LMBR1: variants seen among roughly 807,000 people sequenced by gnomAD.
LMBR1 encodes limb region 1 protein homolog.
LMBR1 carries 52 observed loss-of-function variants against 73.9 expected under a neutral mutation model. The observed-to-expected ratio is 0.70, with a 90% confidence interval of 0.56 to 0.89. The LOEUF (loss-of-function observed/expected upper bound fraction) is 0.89, where lower values mean the gene tolerates loss of function less well. Ranked by LOEUF, LMBR1 falls within the 40% of genes least tolerant of loss-of-function variation. The probability of loss-of-function intolerance (pLI) is 0.00; values close to 1 mark genes in which losing one functional copy is unlikely to be tolerated. For missense variants in LMBR1, 539 were observed against 579.8 expected, an observed-to-expected ratio of 0.93 and a Z score of 0.72; for synonymous variants, 215 against 209.4, an observed-to-expected ratio of 1.03 and a Z score of -0.23.
At chr7:156,736,369 A>G (rs1817867599) in intron 9 of LMBR1, 2 of 214,428 alleles carry the variant, frequency 9.3e-6, no homozygotes, top group Non-Finnish European at 1.7e-5. Context: ...GCTTGCATTC[A>G]TTATTTAGTA....
intron 4 of LMBR1, among the ~76,000 whole-genome samples, chr7:156,814,423 C>T (rs1028363037): frequency 6.6e-6 from 1 of 152,198 alleles, no homozygotes; most frequent in African/African-American, 2.4e-5. Context: ...CAAAACATGT[C>T]TGCATTTGTT....
intron 4 of LMBR1, among the ~76,000 whole-genome samples, chr7:156,815,649 CTCACTCATTAGCCACGTGGCTCACT>C (rs1833799932): frequency 6.6e-6 from 1 of 152,090 alleles, no homozygotes; most frequent in Non-Finnish European, 1.5e-5. Context: ...CTGAGCTAGG[CTCACTCATTAGCCACGTGGCTCACT>C]TTACTTACTA....
intron 1 of LMBR1, among the ~76,000 whole-genome samples, chr7:156,891,190 C>CAAA (rs58107543): frequency 2.1e-3 from 44 of 20,510 alleles, no homozygotes; most frequent in African/African-American, 2.7e-3. Context: ...GACTCCATCA[C>CAAA]AAAAAAAAAA....
intron 8 of LMBR1, 41 bp from the exon 9 acceptor site, chr7:156,756,506 A>C (rs758542252): frequency 1.1e-6 from 1 of 944,286 alleles, no homozygotes; most frequent in African/African-American, 1.6e-5. Context: ...TCAACGTTAT[A>C]AAACGAATGC....
intron 7 of LMBR1, 135 bp downstream of exon 7, chr7:156,762,973 T>G: frequency 1.8e-6 from 1 of 561,544 alleles, no homozygotes; most frequent in South Asian, 2.0e-5. Context: ...CAAAATTTAT[T>G]TTGAATAAAA....
At chr7:156,766,133 C>T (rs1379740973) in intron 5 of LMBR1, among the ~76,000 whole-genome samples, 1 of 151,994 alleles carries the variant, frequency 6.6e-6, no homozygotes, top group African/African-American at 2.4e-5. Flanking sequence ...ATCTCCACGG[C>T]GCTCTCACAT....
chr7:156,799,465 G>T (rs902931223), intron 4 of LMBR1, among the ~76,000 whole-genome samples: 3 of 152,108 alleles, frequency 2.0e-5, no homozygotes, highest in African/African-American at 7.2e-5. Flanking sequence ...TATGTTAATT[G>T]TTTGGGGGCG....
chr7:156,825,742 A>C (rs1032808387), intron 4 of LMBR1, among the ~76,000 whole-genome samples: 1 of 152,184 alleles, frequency 6.6e-6, no homozygotes, highest in Non-Finnish European at 1.5e-5. Context: ...TTAAGTGCCT[A>C]CTAAAAGACA....
At chr7:156,674,165 C>T (rs1305844743), downstream of LMBR1, among the ~76,000 whole-genome samples, 1 of 152,220 alleles carries the variant, frequency 6.6e-6, no homozygotes, top group African/African-American at 2.4e-5. Flanking sequence ...GCCAGAGCTT[C>T]GGTCTCATAG....
intron 4 of LMBR1, among the ~76,000 whole-genome samples, chr7:156,798,025 T>TA (rs1830340258): frequency 6.6e-6 from 1 of 152,264 alleles, no homozygotes; most frequent in South Asian, 2.1e-4. Context: ...AGAGTATAAT[T>TA]AGAGTCAATT....
intron 9 of LMBR1, among the ~76,000 whole-genome samples, chr7:156,739,243 T>C (rs1253644197): frequency 3.9e-5 from 6 of 152,172 alleles, no homozygotes; most frequent in Non-Finnish European, 8.8e-5. Context: ...GGAAGGTCTT[T>C]GTCTTATGGT....
intron 1 of LMBR1, among the ~76,000 whole-genome samples, chr7:156,875,791 G>A (rs1275689933): frequency 6.6e-6 from 1 of 151,656 alleles, no homozygotes; most frequent in African/African-American, 2.4e-5. Flanking sequence ...TACCAAGCCA[G>A]AACTACCAGA....
rs780422757 is a variant in LMBR1, at chr7:156,714,206, T to C, written c.1225+9906A>G. Among the ~76,000 whole-genome samples the C allele has an allele frequency of 3.2e-4, 49 of 152,182 alleles. 1 individual carries two copies. Among genetic ancestry groups the C allele is most frequent in the Non-Finnish European group, 8.8e-5 (6 of 68,032 alleles). On this transcript the variant is annotated intron_variant, in intron 15 of 16. Coordinates refer to ENST00000353442, the MANE Select transcript of LMBR1 (RefSeq NM_022458.4). Reference sequence around the variant, plus strand: ...TTTCTTCAAGGAGCGTAGAGCTTTATGGAGGAAAAGAAAAGCCATTGGATA... The same window carrying C: ...TTTCTTCAAGGAGCGTAGAGCTTTACGGAGGAAAAGAAAAGCCATTGGATA...
At chr7:156,697,415 C>T (rs543997984) in intron 15 of LMBR1, among the ~76,000 whole-genome samples, 2 of 152,226 alleles carry the variant, frequency 1.3e-5, no homozygotes, top group South Asian at 4.2e-4. Context: ...ACAAATTTAC[C>T]AGGGCGGAGT....
intron 1 of LMBR1, among the ~76,000 whole-genome samples, chr7:156,875,486 G>A (rs868458400): frequency 3.3e-5 from 5 of 152,256 alleles, no homozygotes; most frequent in South Asian, 2.1e-4. Flanking sequence ...GAAATTAATC[G>A]TAAAAAGATC....
intron 1 of LMBR1, among the ~76,000 whole-genome samples, chr7:156,867,198 A>C (rs1349696665): frequency 1.3e-5 from 2 of 152,234 alleles, no homozygotes; most frequent in Non-Finnish European, 2.9e-5. Context: ...GTAAAATGCA[A>C]ATCAAAATGA....
At chr7:156,717,216 G>T (rs924402660) in intron 15 of LMBR1, among the ~76,000 whole-genome samples, 2 of 152,172 alleles carry the variant, frequency 1.3e-5, no homozygotes, top group African/African-American at 4.8e-5. Flanking sequence ...GGCACAGAAG[G>T]TGGAAGCATT....
intron 4 of LMBR1, among the ~76,000 whole-genome samples, chr7:156,806,142 A>C (rs1039234455): frequency 4.0e-5 from 6 of 151,578 alleles, no homozygotes; most frequent in African/African-American, 1.2e-4. Flanking sequence ...ATCTGTCTCC[A>C]CTTATTGTGG....
At chr7:156,804,929 T>C (rs78144192) in intron 4 of LMBR1, among the ~76,000 whole-genome samples, 4,839 of 152,294 alleles carry the variant, frequency 0.032, 122 homozygotes, top group South Asian at 0.084. Context: ...TTACAAAGAC[T>C]TTCTCCTACA....
Sources: allele counts gnomAD v4.1 joint callset (sites outside exome capture counted in the v4.1 genomes callset), GRCh38; gene constraint gnomAD v4.1.1; transcripts MANE v1.5; gene names NCBI Gene and HGNC (gene_info 2026-07-23, HGNC 2026-07-21).